Variants in CARS1 observed in about 807,000 individuals in gnomAD.
CARS1 encodes cysteine--tRNA ligase, cytoplasmic.
A neutral mutation model predicts 106.2 loss-of-function variants in CARS1; 48 were observed. That is an observed-to-expected ratio of 0.45 (90% CI 0.36 to 0.57). The LOEUF is 0.57. Among genes scored for constraint, CARS1 ranks in the 20% least tolerant of loss-of-function variants. The probability of loss-of-function intolerance (pLI) is 0.00; values close to 1 mark genes in which losing one functional copy is unlikely to be tolerated. For missense variants in CARS1, 968 were observed against 1,057.2 expected (o/e 0.92, Z 1.17); for synonymous variants, 409 against 403.4 (o/e 1.01, Z -0.17).
At position 3,037,464 on chromosome 11, in the gene CARS1, C is replaced by T. The variant is rs867690881; in HGVS notation, c.801+586G>A. 1.3e-5 allele frequency among the ~76,000 whole-genome samples: 2 copies of T among 152,180 alleles called. No homozygotes were observed. The highest frequency in any genetic ancestry group is 2.4e-5 in the African/African-American group (1 of 41,452). ...GAGTTCTTAAAGGGTGACCAGCAGG[C>T]GGCGCTGGCACAAAGGAGAAGGCCT... On this transcript the variant is annotated intron_variant, in intron 7 of 22. Transcript: ENST00000380525. This position sits in a 1 kb window ranked among gnomAD's most constrained non-coding sequence, Gnocchi z 5.9.
chr11:3,055,049 C>A, intron 1 of CARS1: 1 of 685,946 alleles, frequency 1.5e-6, no homozygotes, highest in South Asian at 1.5e-5. Flanking sequence ...GCTGTACACC[C>A]AGTGAGATCA....
At chr11:3,007,047 G>T (rs986399470) in intron 18 of CARS1, 88 bp from the exon 19 acceptor site, 61 of 1,070,060 alleles carry the variant, frequency 5.7e-5, no homozygotes, top group Non-Finnish European at 4.7e-5. Context: ...GGAAGGAGGG[G>T]CCGTGGCCCA....
intron 10 of CARS1, among the ~76,000 whole-genome samples, 171 bp downstream of exon 10, chr11:3,026,505 G>C (rs1013784711): frequency 2.6e-5 from 4 of 152,188 alleles, no homozygotes; most frequent in African/African-American, 9.7e-5. Flanking sequence ...TGGTCTTAGA[G>C]CTGCACAATG....
At chr11:3,005,221 T>A in intron 20 of CARS1, 145 bp downstream of exon 20, 1 of 608,636 alleles carries the variant, frequency 1.6e-6, no homozygotes, top group South Asian at 2.2e-5. Context: ...AAGATACTAG[T>A]TAATTTTTCT....
intron 7 of CARS1, among the ~76,000 whole-genome samples, chr11:3,035,140 C>T (rs1338652660): frequency 1.3e-5 from 2 of 152,148 alleles, no homozygotes; most frequent in African/African-American, 4.8e-5. Context: ...AATACTGTTA[C>T]ACTAGGGATT....
Position 3,004,573 on chromosome 11 carries a change from C to A in CARS1, c.2217+793G>T, listed in dbSNP as rs1849677846. ...CACCTCCCATGGTGTGCACTGGGGG[C>A]CCAGGTGCCTCTCATCCTGCTGCCT... On this transcript the variant is annotated intron_variant, in intron 20 of 22. Coordinates refer to ENST00000380525, the MANE Select transcript of CARS1 (RefSeq NM_001014437.3). This position sits in a 1 kb window ranked among gnomAD's most constrained non-coding sequence, Gnocchi z 5.2. 6.6e-6 allele frequency among the ~76,000 whole-genome samples: 1 copy of A among 152,224 alleles called. No homozygotes were observed. Among genetic ancestry groups the A allele is most frequent in the South Asian group, 2.1e-4 (1 of 4,834 alleles).
At chr11:3,012,413 G>A in intron 17 of CARS1, 137 bp from the exon 18 acceptor site, 3 of 714,164 alleles carry the variant, frequency 4.2e-6, no homozygotes, top group Non-Finnish European at 4.9e-6. Context: ...GCTGTGACCG[G>A]CATCCCAGAG....
intron 20 of CARS1, among the ~76,000 whole-genome samples, 197 bp from the exon 21 acceptor site, chr11:3,002,797 G>T (rs951934963): frequency 1.9e-4 from 29 of 152,146 alleles, no homozygotes; most frequent in African/African-American, 5.5e-4. Flanking sequence ...TCCCTTTGGG[G>T]ATCCTCAGCG....
Position 3,026,675 on chromosome 11 carries a change from C to T in CARS1, c.1153+1G>A, listed in dbSNP as rs1381835133. 1 of 1,613,612 alleles carries T rather than the reference C, an allele frequency of 6.2e-7. No individual in the cohort carries two copies. Among genetic ancestry groups the T allele is most frequent in the East Asian group, 2.2e-5 (1 of 44,872 alleles). ...CATGCTCTCAGGCATGCCCTCCTCA[C>T]CTTCCCCTTCTTGAAGGGCTTTCTG... is the stretch of plus-strand genomic sequence containing the variant. On this transcript the variant is annotated splice_donor_variant, in intron 10 of 22. Coordinates refer to ENST00000380525, the MANE Select transcript of CARS1 (RefSeq NM_001014437.3). LOFTEE classifies it high-confidence loss of function.
chr11:3,035,907 G>A (rs565406468), intron 7 of CARS1, among the ~76,000 whole-genome samples: 1 of 152,338 alleles, frequency 6.6e-6, no homozygotes, highest in East Asian at 1.9e-4. Context: ...GAGCTGAAAT[G>A]TCCCCTGTGC....
At chr11:3,016,208 C>G (rs1850979571) in intron 16 of CARS1, among the ~76,000 whole-genome samples, 1 of 149,076 alleles carries the variant, frequency 6.7e-6, no homozygotes, top group Admixed American at 6.7e-5. Context: ...GGCCTTGTCC[C>G]TGGTTTTGCT....
chr11:3,049,095 TTTTATTTATTTA>T (rs143824188), intron 1 of CARS1, among the ~76,000 whole-genome samples: 1 of 150,422 alleles, frequency 6.6e-6, no homozygotes, highest in Non-Finnish European at 1.5e-5. Context: ...CCTTTTTTAT[TTTTATTTATTTA>T]TTTATTTATT....
At chr11:3,006,625 G>A (rs1849889311) in intron 19 of CARS1, among the ~76,000 whole-genome samples, 1 of 152,248 alleles carries the variant, frequency 6.6e-6, no homozygotes, top group Non-Finnish European at 1.5e-5. Flanking sequence ...GGGCAGCCAG[G>A]CCCCTAGGGG....
intron 18 of CARS1, among the ~76,000 whole-genome samples, chr11:3,011,475 G>A (rs1850448672): frequency 2.0e-5 from 3 of 151,962 alleles, no homozygotes; most frequent in Admixed American, 6.5e-5. Flanking sequence ...TTAGCCGGGC[G>A]CGGTGGCAGG....
At chr11:3,009,462 G>A (rs1590333489) in intron 18 of CARS1, 2 of 152,434 alleles carry the variant, frequency 1.3e-5, no homozygotes, top group East Asian at 3.9e-4. Flanking sequence ...GTTCCATGGG[G>A]ACAGAGTTCC....
rs1467986781 is a variant in CARS1, at chr11:3,045,960, T to TC, written c.274+1792dup. 6.6e-6 allele frequency among the ~76,000 whole-genome samples: 1 copy of TC among 151,952 alleles called. No individual in the cohort carries two copies. The highest frequency in any genetic ancestry group is 2.4e-5 in the African/African-American group (1 of 41,342). Reference sequence around the variant, plus strand: ...GCAGTCCCAGACTCCAGCTCCCACCTCCCCCTTCAGCCCCTGCTCAGTGTA... The same window carrying TC: ...GCAGTCCCAGACTCCAGCTCCCACCTCCCCCCTTCAGCCCCTGCTCAGTGTA... On this transcript the variant is annotated intron_variant, in intron 2 of 22. Transcript: ENST00000380525. This position sits in a 1 kb window ranked among gnomAD's most constrained non-coding sequence, Gnocchi z 5.6.
rs1852843694 is a variant in CARS1, at chr11:3,032,001, TCCC to T, written c.802-2561_802-2559del. Among the ~76,000 whole-genome samples the T allele has an allele frequency of 7.5e-3, 98 of 13,140 alleles. 24 individuals carry two copies. The highest frequency in any genetic ancestry group is 0.021 in the African/African-American group (93 of 4,504). 8.6% of individuals were successfully genotyped at this position (13,140 alleles called of 152,430 possible). A position where few individuals can be genotyped will look rare whatever the true frequency, so the allele number is the denominator to read the frequency against. On this transcript the variant is annotated intron_variant, in intron 7 of 22. Transcript: ENST00000380525. ...TTTTCTTTCTCCTTCCTTCCTTCCC[TCCC>T]TCCCTCCCTCCCTCCCTCCCTCCCT...
rs549077561 is a variant in CARS1, at chr11:3,023,126, C to G, written c.1154-2794G>C. ...AATAAATGGTATTTAAGAAAAAGAC[C>G]CTAGATGGGGCCAGATAGCAAAATT... On this transcript the variant is annotated intron_variant, in intron 10 of 22. Transcript: ENST00000380525. Among the ~76,000 whole-genome samples the G allele has an allele frequency of 5.3e-5, 8 of 152,108 alleles. No individual in the cohort carries two copies. The East Asian group carries it at 1.4e-3, about 26-fold the overall frequency.
intron 7 of CARS1, among the ~76,000 whole-genome samples, chr11:3,035,444 C>T (rs1298624782): frequency 5.9e-5 from 9 of 152,192 alleles, no homozygotes; most frequent in Non-Finnish European, 1.5e-5. Context: ...ATACACAGCA[C>T]ACCCAAAATG....
Sources: gnomAD v4.1 joint callset for allele counts (sites outside exome capture counted in the v4.1 genomes callset) on GRCh38, gnomAD v4.1.1 for gene constraint, Gnocchi (gnomAD v3.1) non-coding constraint, MANE v1.5 for transcripts, NCBI Gene and HGNC (gene_info 2026-07-23, HGNC 2026-07-21) for gene names.